The following NCAM1 variants were observed in gnomAD, a reference collection of about 807,000 sequenced individuals.
NCAM1 encodes neural cell adhesion molecule 1.
In NCAM1, 14 loss-of-function variants were observed where a neutral mutation model predicts 109.8. The observed-to-expected ratio is 0.13, with a 90% CI of 0.08 to 0.20. NCAM1 has a LOEUF of 0.20. NCAM1 is among the 10% of genes least tolerant of loss of function. NCAM1 has a pLI of 1.00. For synonymous variants in NCAM1, 418 were observed against 442.9 expected, an observed-to-expected ratio of 0.94 and a Z score of 0.70; for missense variants, 774 against 1,109.9, an observed-to-expected ratio of 0.70 and a Z score of 4.30.
intron 1 of NCAM1, among the ~76,000 whole-genome samples, chr11:113,129,492 A>C (rs1448878338): frequency 5.9e-5 from 9 of 152,176 alleles, no homozygotes; most frequent in African/African-American, 2.2e-4. Context: ...ACTAAGACAT[A>C]TGAGCATCCA....
intron 18 of NCAM1, chr11:113,270,667 T>A (rs1306640951): frequency 1.8e-5 from 9 of 490,728 alleles, no homozygotes; most frequent in Admixed American, 3.5e-5. Context: ...TAGGTCAAAA[T>A]GAGGGAAATT....
intron 1 of NCAM1, among the ~76,000 whole-genome samples, chr11:112,964,134 TTTTTTG>T (rs1405901497): frequency 9.5e-6 from 1 of 105,076 alleles, no homozygotes; most frequent in Non-Finnish European, 1.9e-5. Flanking sequence ...CTGAGGTTTT[TTTTTTG>T]TTTTTTTTTT....
At chr11:113,257,196 G>C (rs1945855761) in intron 16 of NCAM1, among the ~76,000 whole-genome samples, 1 of 152,222 alleles carries the variant, frequency 6.6e-6, no homozygotes, top group South Asian at 2.1e-4. Context: ...TGCAAGGATT[G>C]GGCAGGTGGC....
chr11:113,035,960 C>T (rs1952866664), intron 1 of NCAM1, among the ~76,000 whole-genome samples: 1 of 152,080 alleles, frequency 6.6e-6, no homozygotes, highest in Non-Finnish European at 1.5e-5. Context: ...CCCGAGAAGT[C>T]CAAGTCTGTT....
chr11:113,220,602 C>CTTTTTTTTTTTTTTTTTTTTTTTT (rs1175342641), intron 8 of NCAM1, among the ~76,000 whole-genome samples: 3 of 75,584 alleles, frequency 4.0e-5, no homozygotes, highest in African/African-American at 6.1e-5. Flanking sequence ...CTCTCTCTCT[C>CTTTTTTTTTTTTTTTTTTTTTTTT]TTTTTTTTTT....
chr11:113,232,734 A>G lies in NCAM1; in HGVS notation c.1442A>G (p.Glu481Gly). Residue 481 changes from glutamate (E) to glycine (G), a missense_variant, in exon 12 of 20, where the codon GAG becomes GGG. By Grantham distance (98) the Glu-to-Gly change is moderately conservative. Transcript: ENST00000316851. ...CTTCTAAAGGTGACCCCAGACTCTG[A>G]GAATGATTTTGGGAACTACAACTGT... ...ASYLEVTPDS[E>G]NDFGNYNCTA... 1 of 1,613,670 alleles carries G rather than the reference A, an allele frequency of 6.2e-7. No individual in the cohort carries two copies. The highest frequency in any genetic ancestry group is 8.5e-7 in the Non-Finnish European group (1 of 1,179,572).
At chr11:112,970,017 C>A (rs1308021539) in intron 1 of NCAM1, among the ~76,000 whole-genome samples, 1 of 152,026 alleles carries the variant, frequency 6.6e-6, no homozygotes, top group Non-Finnish European at 1.5e-5. Context: ...ACCTGGACCT[C>A]CACAGATATG....
At position 113,072,737 on chromosome 11, in the gene NCAM1, T is replaced by TA. The variant is rs1282239964; in HGVS notation, c.52+111073_52+111074insA. On this transcript the variant is annotated intron_variant, in intron 1 of 19. Coordinates refer to ENST00000316851, the MANE Select transcript of NCAM1 (RefSeq NM_181351.5). ...TTGCTATGTTGCTAGAGTCATCTTT[T>TA]TTTTTTTTAACTTTGCTATAGTAAA... Among the ~76,000 whole-genome samples, 3 of 151,598 alleles carry TA rather than the reference T, an allele frequency of 2.0e-5. No individual in the cohort carries two copies. In the East Asian group the frequency reaches 5.8e-4, roughly 29 times the overall value.
intron 1 of NCAM1, among the ~76,000 whole-genome samples, chr11:113,047,011 C>T (rs150027968): frequency 2.0e-5 from 3 of 152,114 alleles, no homozygotes; most frequent in South Asian, 4.2e-4. Context: ...ATGCTTTAAG[C>T]TTTGTATGTG....
intron 1 of NCAM1, among the ~76,000 whole-genome samples, chr11:113,182,530 G>T (rs1555108154): frequency 6.6e-6 from 1 of 152,190 alleles, no homozygotes; most frequent in East Asian, 1.9e-4. Flanking sequence ...CACTCCATGT[G>T]TCATTTTGCT....
At chr11:113,104,217 G>GA (rs1565438601) in intron 1 of NCAM1, among the ~76,000 whole-genome samples, 2 of 118,512 alleles carry the variant, frequency 1.7e-5, no homozygotes, top group African/African-American at 6.2e-5. Context: ...TGGGGGGGGG[G>GA]GCGGGGTGGT....
Position 113,277,433 on chromosome 11 carries a change from T to G in NCAM1, c.*2046T>G, listed in dbSNP as rs117166580. ...GGCCTGCACAGATCTCTGGTTCAAA[T>G]GCACAGGCCCTCAGAATAGAGGAAC... On this transcript the variant is annotated 3_prime_UTR_variant, in exon 20 of 20. Coordinates refer to ENST00000316851, the MANE Select transcript of NCAM1 (RefSeq NM_181351.5). 0.013 allele frequency: 5,144 copies of G among 398,976 alleles called. 46 individuals are homozygous for G. Among genetic ancestry groups the G allele is most frequent in the South Asian group, 0.064 (499 of 7,846 alleles). The allele number at this position is 398,976 out of a possible 1,614,324, so 24.7% of individuals were successfully genotyped here. A position where few individuals can be genotyped will look rare whatever the true frequency, so the allele number is the denominator to read the frequency against.
chr11:113,197,407 G>A (rs547746383), intron 1 of NCAM1, among the ~76,000 whole-genome samples: 1 of 152,068 alleles, frequency 6.6e-6, no homozygotes, highest in Non-Finnish European at 1.5e-5. Flanking sequence ...AATACTTAAG[G>A]CTCATTTCTA....
At chr11:113,230,757 C>T (rs1555117052) in intron 9 of NCAM1, among the ~76,000 whole-genome samples, 1 of 152,230 alleles carries the variant, frequency 6.6e-6, no homozygotes, top group Non-Finnish European at 1.5e-5. Context: ...AGATCACTAA[C>T]TTTCTTGAGG....
intron 14 of NCAM1, among the ~76,000 whole-genome samples, chr11:113,241,115 C>T (rs1230591338): frequency 6.6e-6 from 1 of 152,188 alleles, no homozygotes; most frequent in African/African-American, 2.4e-5. Context: ...CCAGCCCTGT[C>T]CTCAGGATTC....
At chr11:112,981,840 C>T (rs1388796825) in intron 1 of NCAM1, among the ~76,000 whole-genome samples, 2 of 151,880 alleles carry the variant, frequency 1.3e-5, no homozygotes, top group Non-Finnish European at 2.9e-5. Flanking sequence ...ACATCTTAGA[C>T]ATAGAGATGG....
chr11:113,108,702 A>G (rs1940282197), intron 1 of NCAM1, among the ~76,000 whole-genome samples: 1 of 151,318 alleles, frequency 6.6e-6, no homozygotes, highest in Non-Finnish European at 1.5e-5. Flanking sequence ...TTGATACTCA[A>G]TTGCTTTTTA....
intron 1 of NCAM1, among the ~76,000 whole-genome samples, chr11:113,111,789 C>T (rs191271260): frequency 3.3e-5 from 5 of 152,214 alleles, no homozygotes; most frequent in African/African-American, 7.2e-5. Context: ...AAAAGAGAGA[C>T]TCTGTCTTGT....
chr11:113,255,836 C>T (rs782530145), intron 15 of NCAM1, 41 bp from the exon 16 acceptor site: 2 of 1,606,914 alleles, frequency 1.2e-6, no homozygotes, highest in Non-Finnish European at 1.7e-6. Context: ...GATTTTCATT[C>T]TGTGGATGAG....
Sources: gnomAD v4.1 joint callset for allele counts (sites outside exome capture counted in the v4.1 genomes callset) on GRCh38, gnomAD v4.1.1 for gene constraint, MANE v1.5 for transcripts, NCBI Gene and HGNC (gene_info 2026-07-23, HGNC 2026-07-21) for gene names.